The following WIF1 variants were observed in gnomAD, a reference collection of about 807,000 sequenced individuals.
WIF1 encodes Wnt inhibitory factor 1.
In WIF1, 35 loss-of-function variants were observed where a neutral mutation model predicts 53.5. The ratio of observed to expected loss-of-function variants is 0.65; its 90% CI spans 0.50 to 0.87. The LOEUF is 0.87. WIF1 is among the 40% of genes least tolerant of loss of function. The pLI, the probability that WIF1 is intolerant of heterozygous loss-of-function variation, is 0.00. For synonymous variants in WIF1, 171 were observed against 170.4 expected, an observed-to-expected ratio of 1.00 and a Z score of -0.03; for missense variants, 467 against 476.8, an observed-to-expected ratio of 0.98 and a Z score of 0.19.
chr12:65,101,879 C>T (rs982638509), intron 2 of WIF1, among the ~76,000 whole-genome samples: 4 of 152,138 alleles, frequency 2.6e-5, no homozygotes, highest in South Asian at 2.1e-4. Flanking sequence ...GGCATTTGGG[C>T]ATCTTGCCAG....
intron 2 of WIF1, among the ~76,000 whole-genome samples, chr12:65,111,346 C>A (rs1883428504): frequency 6.6e-6 from 1 of 152,108 alleles, no homozygotes; most frequent in Non-Finnish European, 1.5e-5. Context: ...CATTATCTGA[C>A]CTGCCACTGC....
chr12:65,073,796 T>C (rs536237953), intron 3 of WIF1, among the ~76,000 whole-genome samples: 1 of 152,342 alleles, frequency 6.6e-6, no homozygotes, highest in Non-Finnish European at 1.5e-5. Context: ...TGCTCTGCAA[T>C]GGTGTAAGGT....
At chr12:65,091,039 CT>C (rs1883114448) in intron 2 of WIF1, among the ~76,000 whole-genome samples, 1 of 152,028 alleles carries the variant, frequency 6.6e-6, no homozygotes, top group Non-Finnish European at 1.5e-5. Context: ...AACAACCTTC[CT>C]TTTCTAGTTC....
chr12:65,059,930 G>A (rs1013808755), intron 7 of WIF1, among the ~76,000 whole-genome samples: 1 of 152,082 alleles, frequency 6.6e-6, no homozygotes, highest in African/African-American at 2.4e-5. Context: ...GGGATTATAG[G>A]CGTGAGCCAC....
chr12:65,081,331 A>G (rs572051876), intron 2 of WIF1, among the ~76,000 whole-genome samples: 2 of 152,294 alleles, frequency 1.3e-5, no homozygotes, highest in Non-Finnish European at 2.9e-5. Flanking sequence ...CGCCTCTTCC[A>G]AAAAGTTTTG....
chr12:65,062,711 CT>C, intron 6 of WIF1, 135 bp from the exon 7 acceptor site: 1 of 776,986 alleles, frequency 1.3e-6, no homozygotes, highest in African/African-American at 1.8e-5. Context: ...AAATAAGCTG[CT>C]TTACAAATAC....
intron 2 of WIF1, among the ~76,000 whole-genome samples, chr12:65,090,300 T>C (rs796850297): frequency 1.1e-4 from 16 of 152,234 alleles, no homozygotes; most frequent in African/African-American, 3.6e-4. Context: ...GAATTCTAAC[T>C]CTACTATTTA....
chr12:65,055,572 T>C (rs7486779), intron 8 of WIF1, among the ~76,000 whole-genome samples: 151,696 of 152,292 alleles, frequency 1, 75,554 homozygotes, highest in Middle Eastern at 1. Flanking sequence ...GAGTTCGAGA[T>C]CAGCCTGGCC....
rs557158213 is a variant in WIF1 at position 65,068,273 on chromosome 12, G to A, written c.539-483C>T. 2.6e-5 allele frequency among the ~76,000 whole-genome samples: 4 copies of A among 152,222 alleles called. No homozygotes were observed. The South Asian group carries it at 8.3e-4, about 32-fold the overall frequency. On this transcript the variant is annotated intron_variant, in intron 4 of 9. Coordinates refer to ENST00000286574, the MANE Select transcript of WIF1 (RefSeq NM_007191.5). ...ATCTGGGGTGTGGTGGGGAGGTATT[G>A]AGTGAGGCCTTGACCTGGTAGGGAT... is the stretch of plus-strand genomic sequence containing the variant.
chr12:65,100,059 T>C (rs577149891), intron 2 of WIF1, among the ~76,000 whole-genome samples: 25 of 152,336 alleles, frequency 1.6e-4, no homozygotes, highest in Admixed American at 2.6e-4. Context: ...CACATGTATA[T>C]GAAGCATACA....
chr12:65,059,081 C>T lies in WIF1; in HGVS notation c.827-2955G>A, dbSNP rs533663264. ...AAAGAAAAAAAAAAAATAGACTAAG[C>T]CCTGTCTAAAGACAAACAGATTTGA... On this transcript the variant is annotated intron_variant, in intron 7 of 9. Coordinates refer to ENST00000286574, the MANE Select transcript of WIF1 (RefSeq NM_007191.5). 7.0e-4 allele frequency among the ~76,000 whole-genome samples: 107 copies of T among 151,916 alleles called. 1 individual carries two copies. Among genetic ancestry groups the T allele is most frequent in the African/African-American group, 2.4e-3 (100 of 41,468 alleles).
At chr12:65,116,244 C>T (rs1394466531) in intron 2 of WIF1, among the ~76,000 whole-genome samples, 2 of 152,124 alleles carry the variant, frequency 1.3e-5, no homozygotes, top group African/African-American at 2.4e-5. Flanking sequence ...TGGTCCATGG[C>T]CTGTTAGGAA....
intron 9 of WIF1, among the ~76,000 whole-genome samples, chr12:65,052,855 C>T (rs552795360): frequency 7.2e-4 from 110 of 152,264 alleles, no homozygotes; most frequent in African/African-American, 2.6e-3. Context: ...ACTTGCCTTC[C>T]CTTTGGAAGA....
At chr12:65,103,962 G>A (rs538588179) in intron 2 of WIF1, among the ~76,000 whole-genome samples, 29 of 144,624 alleles carry the variant, frequency 2.0e-4, no homozygotes, top group African/African-American at 6.9e-4. Flanking sequence ...CTACCTGGGA[G>A]GCTGAAGTGG....
At chr12:65,063,556 A>G (rs914654229) in intron 6 of WIF1, among the ~76,000 whole-genome samples, 2 of 152,246 alleles carry the variant, frequency 1.3e-5, no homozygotes, top group Middle Eastern at 3.4e-3. Context: ...TTCTAAGTGT[A>G]TGCTTTCTTT....
At chr12:65,085,556 G>C (rs1285377233) in intron 2 of WIF1, among the ~76,000 whole-genome samples, 2 of 152,156 alleles carry the variant, frequency 1.3e-5, no homozygotes, top group African/African-American at 4.8e-5. Flanking sequence ...AGAAGAACTT[G>C]TTTCAAAAGG....
chr12:65,077,247 GC>G (rs1882875272), intron 3 of WIF1, among the ~76,000 whole-genome samples: 1 of 152,162 alleles, frequency 6.6e-6, no homozygotes, highest in Admixed American at 6.5e-5. Flanking sequence ...TATTTTCTTA[GC>G]AAAGAAGGAT....
At chr12:65,079,444 T>C (rs964729879) in intron 2 of WIF1, among the ~76,000 whole-genome samples, 3 of 151,868 alleles carry the variant, frequency 2.0e-5, no homozygotes, top group Non-Finnish European at 2.9e-5. Flanking sequence ...AAGGAAGAAA[T>C]AATGCCAACA....
At chr12:65,072,119 C>A (rs1882793437) in intron 3 of WIF1, among the ~76,000 whole-genome samples, 1 of 152,154 alleles carries the variant, frequency 6.6e-6, no homozygotes. Context: ...TTTAAAAAAA[C>A]AAAATCTGAC....
Sources: allele counts gnomAD v4.1 joint callset (sites outside exome capture counted in the v4.1 genomes callset), GRCh38; gene constraint gnomAD v4.1.1; transcripts MANE v1.5; gene names NCBI Gene and HGNC (gene_info 2026-07-23, HGNC 2026-07-21).